Variants in AQP4 observed in about 807,000 individuals in gnomAD.
AQP4 encodes aquaporin-4.
In AQP4, 18 loss-of-function variants were observed where a neutral mutation model predicts 27.8. The observed-to-expected ratio is 0.65, with a 90% CI of 0.45 to 0.96. The LOEUF is 0.96. Ranked by LOEUF, AQP4 falls within the 40% of genes least tolerant of loss-of-function variation. The probability of loss-of-function intolerance (pLI) is 0.00; values close to 1 mark genes in which losing one functional copy is unlikely to be tolerated. For missense variants in AQP4, 412 were observed against 408.2 expected, an observed-to-expected ratio of 1.01 and a Z score of -0.08; for synonymous variants, 141 against 142.9, an observed-to-expected ratio of 0.99 and a Z score of 0.10.
rs1048125919 is a variant in AQP4, at chr18:26,852,208, A to G, written c.*4003T>C. ...ACATTAGCTCTAATGTTGGAATAACATTTAAGTTAATAAATAACTGTGAAT... is the reference window on the plus strand; with the variant it reads ...ACATTAGCTCTAATGTTGGAATAACGTTTAAGTTAATAAATAACTGTGAAT... On this transcript the variant is annotated 3_prime_UTR_variant, in exon 5 of 5. Transcript: ENST00000383168. 6.6e-6 allele frequency: 1 copy of G among 152,204 alleles called. No individual in the cohort carries two copies. The highest frequency in any genetic ancestry group is 6.5e-5 in the Admixed American group (1 of 15,276). 9.4% of individuals were successfully genotyped at this position (152,204 alleles called of 1,614,324 possible). A position where few individuals can be genotyped will look rare whatever the true frequency, so the allele number is the denominator to read the frequency against.
intron 4 of AQP4, among the ~76,000 whole-genome samples, chr18:26,859,668 G>A (rs527474381): frequency 3.3e-4 from 51 of 152,260 alleles, no homozygotes; most frequent in South Asian, 2.7e-3. Context: ...TGGTTTGAAC[G>A]CTGACTCTTA....
Position 26,853,007 on chromosome 18 carries a change from GT to G in AQP4, c.*3203del. ...TTTGGAATTTTCCTGTCATTATCGA[GT>G]TTAAACCAATACATGTGTTGTCTGG... is the stretch of plus-strand genomic sequence containing the variant. On this transcript the variant is annotated 3_prime_UTR_variant, in exon 5 of 5. Coordinates refer to ENST00000383168, the MANE Select transcript of AQP4 (RefSeq NM_001650.7). 2.5e-6 allele frequency: 1 copy of G among 397,496 alleles called. No individual in the cohort carries two copies. Among genetic ancestry groups the G allele is most frequent in the Non-Finnish European group, 4.4e-6 (1 of 225,494 alleles). 24.6% of individuals were successfully genotyped at this position (397,496 alleles called of 1,614,324 possible). A position where few individuals can be genotyped will look rare whatever the true frequency, so the allele number is the denominator to read the frequency against.
In AQP4 at chr18:26,862,586, G is replaced by A. The variant is rs199674181; in HGVS notation, c.43C>T (p.Pro15Ser). 1.2e-6 allele frequency: 2 copies of A among 1,613,786 alleles called. No homozygotes were observed. Among genetic ancestry groups the A allele is most frequent in the Admixed American group, 3.3e-5 (2 of 59,994 alleles). ...ATGATGTTCTCTCTGGTACACAAAG[G>A]TCCACACTTACTGAAAAGAGAAACA... The part of the protein sequence containing the change: ...PTARRWGKCG[P>S]LCTRENIMVA... Residue 15 changes from proline (P) to serine (S), a missense_variant, in exon 2 of 5, where the codon CCT (proline) becomes TCT (serine). By Grantham distance (74) the Pro-to-Ser change is moderately conservative. Transcript: ENST00000383168.
In AQP4 at chr18:26,854,008, AT is replaced by A. The variant is rs1275970823; in HGVS notation, c.*2202del. The stretch of plus-strand genomic sequence containing the variant: ...TTTATATTCTTAAATCTCAAATGAG[AT>A]TTATATATTTTTATTAATTAACACA... On this transcript the variant is annotated 3_prime_UTR_variant, in exon 5 of 5. Transcript: ENST00000383168. The A allele has an allele frequency of 1.3e-5, 2 of 152,162 alleles. No individual in the cohort carries two copies. Among genetic ancestry groups the A allele is most frequent in the Non-Finnish European group, 2.9e-5 (2 of 68,032 alleles). 9.4% of individuals were successfully genotyped at this position (152,162 alleles called of 1,614,324 possible).
At chr18:26,863,994 TGG>T (rs56027623) in intron 1 of AQP4, among the ~76,000 whole-genome samples, 6,319 of 145,978 alleles carry the variant, frequency 0.043, 264 homozygotes, top group African/African-American at 0.11. Context: ...ATTCCCCTTT[TGG>T]GGGGGGGGGG....
In AQP4 at chr18:26,853,384, T is replaced by C. The variant is rs1198561965; in HGVS notation, c.*2827A>G. ...ATGGAAACATACATTGAAATTCTGG[T>C]CCCCAAGTTTTTAAGAAAGCCTGAA... is the stretch of plus-strand genomic sequence containing the variant. On this transcript the variant is annotated 3_prime_UTR_variant, in exon 5 of 5. Coordinates refer to ENST00000383168, the MANE Select transcript of AQP4 (RefSeq NM_001650.7). 1 of 152,320 alleles carries C rather than the reference T, an allele frequency of 6.6e-6. No homozygotes were observed. The highest frequency in any genetic ancestry group is 1.9e-4 in the East Asian group (1 of 5,204). The allele number at this position is 152,320 out of a possible 1,614,324, so 9.4% of individuals were successfully genotyped here.
chr18:26,859,959 T>C (rs1315067895), intron 4 of AQP4, among the ~76,000 whole-genome samples: 1 of 152,248 alleles, frequency 6.6e-6, no homozygotes, highest in African/African-American at 2.4e-5. Flanking sequence ...TTATTGGCTA[T>C]TGTAAGTTAG....
intron 2 of AQP4, 67 bp downstream of exon 2, chr18:26,862,115 G>C: frequency 1.3e-6 from 2 of 1,564,488 alleles, no homozygotes; most frequent in Non-Finnish European, 8.8e-7. Context: ...ATGCCACCAA[G>C]GCATTATTTA....
intron 2 of AQP4, 87 bp downstream of exon 2, chr18:26,862,095 G>T: frequency 6.8e-7 from 1 of 1,464,010 alleles, no homozygotes; most frequent in Non-Finnish European, 9.6e-7. Context: ...CTATTTTAGG[G>T]ATGTGCCTCA....
chr18:26,856,581 A>G (rs2054849561), intron 4 of AQP4, 92 bp from the exon 5 acceptor site: 2 of 1,446,422 alleles, frequency 1.4e-6, no homozygotes, highest in Admixed American at 1.8e-5. Context: ...GGGTTAAATT[A>G]AGAGTGTATT....
In AQP4 at chr18:26,862,127, C is replaced by T. The variant is rs1337202583; in HGVS notation, c.447+55G>A. Reference sequence around the variant, plus strand: ...CTCATGCCACCAAGGCATTATTTAGCAAAGAGTTTGCAAGAAGCTTGGAGT... The same window carrying T: ...CTCATGCCACCAAGGCATTATTTAGTAAAGAGTTTGCAAGAAGCTTGGAGT... On this transcript the variant is annotated intron_variant, in intron 2 of 4. Transcript: ENST00000383168. The T allele has an allele frequency of 3.1e-6, 5 of 1,594,800 alleles. No individual in the cohort carries two copies. In the African/African-American group the frequency reaches 4.0e-5, roughly 13 times the overall value.
chr18:26,864,886 G>A (rs2055029350), intron 1 of AQP4, among the ~76,000 whole-genome samples: 2 of 152,062 alleles, frequency 1.3e-5, no homozygotes, highest in Admixed American at 1.3e-4. Flanking sequence ...TGCCATTTCC[G>A]GAGTTCTCTC....
At position 26,862,494 on chromosome 18, in the gene AQP4, C is replaced by G. The variant is rs1225175406; in HGVS notation, c.135G>C (p.Met45Ile). 2 of 1,614,208 alleles carry G rather than the reference C, an allele frequency of 1.2e-6. No homozygotes were observed. Among genetic ancestry groups the G allele is most frequent in the South Asian group, 1.1e-5 (1 of 91,082 alleles). The change falls in exon 2 of 5, where the codon ATG becomes ATC. Residue 45 changes from methionine to isoleucine, a missense_variant. Physicochemically the swap from Met to Ile is conservative, Grantham distance 10. Transcript: ENST00000383168. ...CCAGGCTGAGGAGAACAAAAATAAG[C>G]ATGGCCAGAAATTCCGCTGTGACTG... is the stretch of plus-strand genomic sequence containing the variant. ...WKAVTAEFLA[M>I]LIFVLLSLGS...
chr18:26,858,518 T>C (rs188393801), intron 4 of AQP4, among the ~76,000 whole-genome samples: 1 of 152,318 alleles, frequency 6.6e-6, no homozygotes, highest in East Asian at 1.9e-4. Flanking sequence ...CTGTTGCTAG[T>C]GTGGCTGGAA....
At chr18:26,861,422 C>T in intron 2 of AQP4, 127 bp from the exon 3 acceptor site, 2 of 888,062 alleles carry the variant, frequency 2.3e-6, no homozygotes, top group Non-Finnish European at 3.6e-6. Context: ...ACCCCACCTT[C>T]AACTGAGAAT....
chr18:26,863,000 G>C (rs1008763837), intron 1 of AQP4: 2 of 179,764 alleles, frequency 1.1e-5, no homozygotes, highest in African/African-American at 2.4e-5. Flanking sequence ...TGTGCGTGGG[G>C]GGGGGGGGTC....
At chr18:26,865,280 T>G in intron 1 of AQP4, 1 of 341,660 alleles carries the variant, frequency 2.9e-6, no homozygotes, top group Non-Finnish European at 5.6e-6. Context: ...ACAAAGCGGG[T>G]TTGTTGATGT....
chr18:26,852,512 C>A lies in AQP4; in HGVS notation c.*3699G>T. Reference sequence around the variant, plus strand: ...TAACATTTTTTGAAATGTATTTTCACAGGCTATAGGTAGTCATTTGCAAAG... The same window carrying A: ...TAACATTTTTTGAAATGTATTTTCAAAGGCTATAGGTAGTCATTTGCAAAG... On this transcript the variant is annotated 3_prime_UTR_variant, in exon 5 of 5. Coordinates refer to ENST00000383168, the MANE Select transcript of AQP4 (RefSeq NM_001650.7). The A allele has an allele frequency of 3.9e-6, 1 of 257,700 alleles. No individual in the cohort carries two copies. Among genetic ancestry groups the A allele is most frequent in the Non-Finnish European group, 7.3e-6 (1 of 137,264 alleles). 16.0% of individuals were successfully genotyped at this position (257,700 alleles called of 1,614,324 possible).
Position 26,861,130 on chromosome 18 carries a change from C to G in AQP4, c.612+1G>C, listed in dbSNP as rs1483153257. ...TTATTTAAATGGACTTGGAAACTTA[C>G]TGCAAATAAATGTCCAATTGCAACA... On this transcript the variant is annotated splice_donor_variant, in intron 3 of 4. Coordinates refer to ENST00000383168, the MANE Select transcript of AQP4 (RefSeq NM_001650.7). LOFTEE classifies it high-confidence loss of function. The G allele has an allele frequency of 3.1e-6, 5 of 1,613,870 alleles. No individual in the cohort carries two copies.
Sources: allele counts gnomAD v4.1 joint callset (sites outside exome capture counted in the v4.1 genomes callset), GRCh38; gene constraint gnomAD v4.1.1; transcripts MANE v1.5; gene names NCBI Gene and HGNC (gene_info 2026-07-23, HGNC 2026-07-21).